The following PDLIM5 variants were observed in gnomAD, a reference collection of about 807,000 sequenced individuals.
The protein encoded by PDLIM5 is PDZ and LIM domain protein 5.
PDLIM5 carries 34 observed loss-of-function variants against 64.2 expected under a neutral mutation model. The ratio of observed to expected loss-of-function variants is 0.53; its 90% confidence interval spans 0.40 to 0.71. PDLIM5 has a LOEUF of 0.71. Ranked by LOEUF, PDLIM5 falls within the 30% of genes least tolerant of loss-of-function variation. The pLI is 0.00. For missense variants in PDLIM5, 683 were observed against 733.6 expected, an observed-to-expected ratio of 0.93 and a Z score of 0.80; for synonymous variants, 253 against 269.1, an observed-to-expected ratio of 0.94 and a Z score of 0.59.
intron 5 of PDLIM5, among the ~76,000 whole-genome samples, chr4:94,580,427 T>C (rs1257119891): frequency 6.6e-6 from 1 of 152,152 alleles, no homozygotes; most frequent in Non-Finnish European, 1.5e-5. Flanking sequence ...TTTTTATATA[T>C]AGGAATATTG....
chr4:94,575,501 C>T (rs1453144564), intron 4 of PDLIM5, 115 bp from the exon 5 acceptor site: 4 of 711,294 alleles, frequency 5.6e-6, no homozygotes, highest in Non-Finnish European at 9.6e-6. Context: ...GATGTTTGAG[C>T]TGCTAACCTG....
intron 2 of PDLIM5, among the ~76,000 whole-genome samples, chr4:94,473,833 C>T (rs1175632601): frequency 6.6e-6 from 1 of 152,044 alleles, no homozygotes; most frequent in Non-Finnish European, 1.5e-5. Flanking sequence ...ATTCTTGGTA[C>T]TGTTGTTTGA....
At chr4:94,490,270 GT>G (rs1291105100) in intron 2 of PDLIM5, among the ~76,000 whole-genome samples, 3 of 151,662 alleles carry the variant, frequency 2.0e-5, no homozygotes, top group Admixed American at 6.6e-5. Context: ...CTATATACTT[GT>G]TTCTGTATAA....
intron 4 of PDLIM5, chr4:94,573,624 C>A (rs1412776604): frequency 1.2e-5 from 6 of 509,176 alleles, no homozygotes; most frequent in Non-Finnish European, 2.1e-5. Flanking sequence ...GTTACAATAA[C>A]TTATGTCAGA....
chr4:94,578,717 C>A (rs1010039838), intron 5 of PDLIM5, among the ~76,000 whole-genome samples: 2 of 152,096 alleles, frequency 1.3e-5, no homozygotes, highest in African/African-American at 4.8e-5. Flanking sequence ...GAATCAGTGT[C>A]AAACTTGTTA....
intron 2 of PDLIM5, among the ~76,000 whole-genome samples, chr4:94,498,803 G>C (rs1000587359): frequency 6.6e-6 from 1 of 152,188 alleles, no homozygotes; most frequent in African/African-American, 2.4e-5. Context: ...GGAAAAGTAG[G>C]TTCTTTAATC....
chr4:94,589,716 C>T (rs200495847), intron 7 of PDLIM5, among the ~76,000 whole-genome samples: 7 of 135,596 alleles, frequency 5.2e-5, no homozygotes, highest in Admixed American at 1.5e-4. Flanking sequence ...CTTTCTTTCT[C>T]TCTTTCTCTT....
intron 11 of PDLIM5, among the ~76,000 whole-genome samples, chr4:94,661,025 A>G (rs1243877580): frequency 6.6e-6 from 1 of 152,134 alleles, no homozygotes; most frequent in Non-Finnish European, 1.5e-5. Context: ...TGGAGGTTCC[A>G]GTGAGCCGAG....
At chr4:94,634,001 G>T (rs565798061) in intron 8 of PDLIM5, among the ~76,000 whole-genome samples, 7 of 152,234 alleles carry the variant, frequency 4.6e-5, no homozygotes, top group African/African-American at 1.7e-4. Context: ...CAGTACAGAG[G>T]AATAATCAGG....
At chr4:94,617,600 A>C (rs1738879342) in intron 7 of PDLIM5, among the ~76,000 whole-genome samples, 1 of 146,906 alleles carries the variant, frequency 6.8e-6, no homozygotes. Flanking sequence ...TGAGGCCAGG[A>C]GTTCAAGACC....
At chr4:94,468,266 C>T (rs1645981814) in intron 2 of PDLIM5, among the ~76,000 whole-genome samples, 1 of 152,236 alleles carries the variant, frequency 6.6e-6, no homozygotes, top group East Asian at 1.9e-4. Context: ...GATCCTCCTG[C>T]CTTAGCCTCC....
At position 94,573,369 on chromosome 4, in the gene PDLIM5, G is replaced by A; in HGVS notation, c.267G>A (p.Lys89=). ...MTLQRASAAP[K]PEPVPVQKGE... ...TCCTCAGAGCATCTGCTGCACCCAAGCCTGAGCCGGTTCCTGTTCAAAAGG... is the reference window on the plus strand; with the variant it reads ...TCCTCAGAGCATCTGCTGCACCCAAACCTGAGCCGGTTCCTGTTCAAAAGG... The change falls in exon 4 of 13, where the codon AAG becomes AAA. Residue 89 remains lysine (K), a synonymous_variant. Transcript: ENST00000317968. The A allele has an allele frequency of 6.2e-7, 1 of 1,612,284 alleles. No homozygotes were observed. The highest frequency in any genetic ancestry group is 8.5e-7 in the Non-Finnish European group (1 of 1,179,104).
chr4:94,478,890 G>GGTT lies in PDLIM5; in HGVS notation c.96+23506_96+23507insGTT, dbSNP rs1235050313. The stretch of plus-strand genomic sequence containing the variant: ...CCAAAAGAAGGTAGGTGTGCTTGGT[G>GGTT]TTTTTTTTTTTTTTTTTTTTTTTTT... On this transcript the variant is annotated intron_variant, in intron 2 of 12. Transcript: ENST00000317968. 6.9e-4 allele frequency among the ~76,000 whole-genome samples: 65 copies of GGTT among 94,082 alleles called. 2 individuals are homozygous for GGTT. Among genetic ancestry groups the GGTT allele is most frequent in the African/African-American group, 2.8e-3 (63 of 22,354 alleles). The allele number at this position is 94,082 out of a possible 152,430, so 61.7% of individuals were successfully genotyped here. A position where few individuals can be genotyped will look rare whatever the true frequency, so the allele number is the denominator to read the frequency against.
chr4:94,653,732 C>T (rs1742012222), intron 9 of PDLIM5, among the ~76,000 whole-genome samples: 1 of 152,144 alleles, frequency 6.6e-6, no homozygotes, highest in Non-Finnish European at 1.5e-5. Context: ...ACATTGTACT[C>T]TTAAAAATCT....
intron 3 of PDLIM5, among the ~76,000 whole-genome samples, chr4:94,559,367 C>T (rs1578374406): frequency 6.6e-6 from 1 of 152,172 alleles, no homozygotes; most frequent in East Asian, 1.9e-4. Context: ...GCTCTGTCTT[C>T]TTCTAGCCAT....
chr4:94,572,588 A>G (rs1051306888), intron 3 of PDLIM5, among the ~76,000 whole-genome samples: 9 of 152,228 alleles, frequency 5.9e-5, no homozygotes, highest in Non-Finnish European at 1.2e-4. Context: ...AAAAACATAT[A>G]TTTAAAATGA....
chr4:94,624,046 C>T (rs996445606), intron 8 of PDLIM5, among the ~76,000 whole-genome samples: 6 of 151,926 alleles, frequency 3.9e-5, no homozygotes, highest in South Asian at 2.1e-4. Flanking sequence ...CACTGTGGCT[C>T]ACACCTGTAA....
chr4:94,529,846 CTT>C (rs1167332362), intron 3 of PDLIM5, among the ~76,000 whole-genome samples: 4 of 152,102 alleles, frequency 2.6e-5, no homozygotes, highest in Admixed American at 6.6e-5. Context: ...TATTTTTACT[CTT>C]GGGGAAGTCA....
At chr4:94,657,114 G>T (rs1235711557) in intron 10 of PDLIM5, among the ~76,000 whole-genome samples, 1 of 152,036 alleles carries the variant, frequency 6.6e-6, no homozygotes, top group Admixed American at 6.6e-5. Context: ...AGAAAGTTTT[G>T]TAGCAAGCAT....
Sources: allele counts gnomAD v4.1 joint callset (sites outside exome capture counted in the v4.1 genomes callset), GRCh38; gene constraint gnomAD v4.1.1; transcripts MANE v1.5; gene names NCBI Gene and HGNC (gene_info 2026-07-23, HGNC 2026-07-21).